RBFOX1: variants seen among roughly 807,000 people sequenced by gnomAD.
The protein encoded by RBFOX1 is RNA binding fox-1 homolog 1.
In RBFOX1, 8 loss-of-function variants were observed where a neutral mutation model predicts 57.7. The ratio of observed to expected loss-of-function variants is 0.14; its 90% CI spans 0.08 to 0.25. RBFOX1 has a LOEUF of 0.25. Among genes scored for constraint, RBFOX1 ranks in the 10% least tolerant of loss-of-function variants. The pLI is 1.00. For synonymous variants in RBFOX1, 326 were observed against 222.4 expected (o/e 1.47, Z -4.15); for missense variants, 611 against 548.5 (o/e 1.11, Z -1.14).
intron 4 of RBFOX1, among the ~76,000 whole-genome samples, chr16:7,476,922 C>G (rs925567371): frequency 1.3e-5 from 2 of 152,146 alleles, no homozygotes; most frequent in Non-Finnish European, 2.9e-5. Flanking sequence ...TCCCCCAAAG[C>G]TTTACCAAGC....
chr16:6,451,467 GACTC>G (rs1016046055), intron 2 of RBFOX1, among the ~76,000 whole-genome samples: 1 of 152,102 alleles, frequency 6.6e-6, no homozygotes, highest in African/African-American at 2.4e-5. Context: ...GAGACAGAGA[GACTC>G]ACTCGGGCCA....
intron 1 of RBFOX1, among the ~76,000 whole-genome samples, chr16:5,322,913 G>A (rs2064453551): frequency 6.6e-6 from 1 of 152,138 alleles, no homozygotes; most frequent in South Asian, 2.1e-4. Context: ...ATGAATGGGT[G>A]GTTTTGTCTC....
chr16:6,888,799 G>A (rs908153719), intron 3 of RBFOX1, among the ~76,000 whole-genome samples: 1 of 152,062 alleles, frequency 6.6e-6, no homozygotes, highest in African/African-American at 2.4e-5. Context: ...TCACCCTATT[G>A]TGTTACCAAA....
intron 3 of RBFOX1, among the ~76,000 whole-genome samples, chr16:5,646,492 G>A (rs2049059149): frequency 6.6e-6 from 1 of 152,126 alleles, no homozygotes; most frequent in Non-Finnish European, 1.5e-5. Context: ...GAAAAATACT[G>A]ACTGTGACAA....
intron 14 of RBFOX1, among the ~76,000 whole-genome samples, chr16:7,701,099 T>TAA (rs2080538427): frequency 1.3e-5 from 2 of 150,742 alleles, no homozygotes; most frequent in South Asian, 4.1e-4. Flanking sequence ...AAAAATGTGC[T>TAA]AAGTGATTTC....
intron 4 of RBFOX1, chr16:7,333,111 C>T (rs749664841): frequency 5.0e-6 from 8 of 1,602,824 alleles, no homozygotes; most frequent in Non-Finnish European, 6.8e-6. Flanking sequence ...CTCTGCCAGC[C>T]AGCAACTTAA....
intron 1 of RBFOX1, among the ~76,000 whole-genome samples, chr16:6,036,838 C>T (rs763210731): frequency 6.6e-6 from 1 of 152,188 alleles, no homozygotes; most frequent in Non-Finnish European, 1.5e-5. Flanking sequence ...TTAAAAATCA[C>T]ATTCTCAAAG....
intron 3 of RBFOX1, among the ~76,000 whole-genome samples, chr16:6,936,999 G>C (rs371247643): frequency 6.6e-6 from 1 of 150,784 alleles, no homozygotes; most frequent in Non-Finnish European, 1.5e-5. Flanking sequence ...GCTAGATGAC[G>C]AGTTAGTGGG....
At chr16:5,578,403 T>G (rs1306868945) in intron 2 of RBFOX1, among the ~76,000 whole-genome samples, 1 of 152,140 alleles carries the variant, frequency 6.6e-6, no homozygotes, top group East Asian at 1.9e-4. Context: ...AAGGAGAGGT[T>G]TGTTCCAGTT....
At chr16:5,388,919 C>T (rs371484159) in intron 1 of RBFOX1, among the ~76,000 whole-genome samples, 557 of 149,446 alleles carry the variant, frequency 3.7e-3, no homozygotes, top group Middle Eastern at 0.017. Flanking sequence ...GGGCCGGGCG[C>T]GGTGGCTCAC....
At chr16:5,830,434 G>A (rs2056224661) in intron 3 of RBFOX1, among the ~76,000 whole-genome samples, 1 of 151,190 alleles carries the variant, frequency 6.6e-6, no homozygotes, top group Non-Finnish European at 1.5e-5. Flanking sequence ...AAAGCTTAGT[G>A]CTTATCACAG....
chr16:7,080,329 A>G (rs916640947), intron 4 of RBFOX1, among the ~76,000 whole-genome samples: 7 of 152,030 alleles, frequency 4.6e-5, no homozygotes, highest in Admixed American at 2.6e-4. Context: ...ATTTCCTCCA[A>G]TGCCTTGCCT....
chr16:5,594,127 T>C (rs9929684), intron 2 of RBFOX1, among the ~76,000 whole-genome samples: 16,946 of 152,146 alleles, frequency 0.11, 1,181 homozygotes, highest in East Asian at 0.32. Context: ...GAACCCCACC[T>C]CTGACCCCAC....
intron 1 of RBFOX1, among the ~76,000 whole-genome samples, chr16:6,196,620 A>C (rs2097181592): frequency 6.6e-6 from 1 of 152,140 alleles, no homozygotes; most frequent in Non-Finnish European, 1.5e-5. Context: ...TAGAGAAATA[A>C]CATGCAATTC....
intron 6 of RBFOX1, among the ~76,000 whole-genome samples, chr16:7,586,516 ATGT>A (rs2094135540): frequency 6.6e-6 from 1 of 152,198 alleles, no homozygotes; most frequent in African/African-American, 2.4e-5. Context: ...TATGTCCCAA[ATGT>A]TGTGTGTGAC....
At chr16:6,972,781 C>T (rs931908728) in intron 3 of RBFOX1, among the ~76,000 whole-genome samples, 2 of 151,798 alleles carry the variant, frequency 1.3e-5, no homozygotes, top group East Asian at 1.9e-4. Flanking sequence ...GATTTGATGT[C>T]GAGTGGGTAA....
At chr16:5,323,971 C>T (rs1411501746) in intron 1 of RBFOX1, among the ~76,000 whole-genome samples, 4 of 152,196 alleles carry the variant, frequency 2.6e-5, no homozygotes, top group Non-Finnish European at 5.9e-5. Flanking sequence ...TCATATTACA[C>T]GTGTATAGTG....
At chr16:6,718,922 G>T (rs2065374411) in intron 3 of RBFOX1, among the ~76,000 whole-genome samples, 2 of 152,068 alleles carry the variant, frequency 1.3e-5, no homozygotes, top group African/African-American at 4.8e-5. Flanking sequence ...GAGTGCAGTG[G>T]CATGATCTCA....
chr16:6,639,447 G>T (rs1430859236), intron 2 of RBFOX1, among the ~76,000 whole-genome samples: 1 of 152,104 alleles, frequency 6.6e-6, no homozygotes, highest in Non-Finnish European at 1.5e-5. Context: ...GTAGGGGTCT[G>T]TTTAATTGAC....
Sources: allele counts gnomAD v4.1 joint callset (sites outside exome capture counted in the v4.1 genomes callset), GRCh38; gene constraint gnomAD v4.1.1; transcripts MANE v1.5; gene names NCBI Gene and HGNC (gene_info 2026-07-23, HGNC 2026-07-21).